Variants in DNAH14 observed in about 807,000 individuals in gnomAD.
The protein encoded by DNAH14 is dynein axonemal heavy chain 14, also known as axonemal beta dynein heavy chain 14.
DNAH14 carries 478 observed loss-of-function variants against 520.9 expected under a neutral mutation model. The ratio of observed to expected loss-of-function variants is 0.92; its 90% CI spans 0.85 to 0.99. The LOEUF (loss-of-function observed/expected upper bound fraction) is 0.99, where lower values mean the gene tolerates loss of function less well. DNAH14 is among the 50% of genes least tolerant of loss of function. DNAH14 has a pLI of 0.00. For missense variants in DNAH14, 4,831 were observed against 5,234.5 expected (o/e 0.92, Z 2.38); for synonymous variants, 1,581 against 1,757.2 (o/e 0.90, Z 2.51).
intron 16 of DNAH14, 50 bp from the exon 17 acceptor site, chr1:225,051,401 C>T: frequency 1.5e-6 from 2 of 1,300,534 alleles, no homozygotes; most frequent in South Asian, 1.8e-5. Flanking sequence ...AACCATTTTT[C>T]ACTCTTAAAA....
chr1:225,274,063 G>A (rs1399300368), intron 52 of DNAH14, among the ~76,000 whole-genome samples: 1 of 152,020 alleles, frequency 6.6e-6, no homozygotes, highest in Non-Finnish European at 1.5e-5. Context: ...TGGGATTGCT[G>A]GGTCAAATGG....
chr1:225,068,483 A>G (rs915794419), intron 17 of DNAH14, among the ~76,000 whole-genome samples: 7 of 152,166 alleles, frequency 4.6e-5, no homozygotes, highest in Admixed American at 3.3e-4. Flanking sequence ...AGTTCTGTGA[A>G]GAATGTCAAT....
intron 42 of DNAH14, among the ~76,000 whole-genome samples, chr1:225,236,573 T>C (rs189551750): frequency 3.9e-5 from 6 of 152,220 alleles, no homozygotes; most frequent in African/African-American, 1.2e-4. Flanking sequence ...ATCCTGAATA[T>C]CTTTGTTAAT....
At chr1:225,334,015 T>A (rs2094857179) in intron 66 of DNAH14, among the ~76,000 whole-genome samples, 1 of 152,202 alleles carries the variant, frequency 6.6e-6, no homozygotes, top group African/African-American at 2.4e-5. Context: ...TCACTTAAAT[T>A]GACCATGCAA....
At chr1:225,378,945 A>G (rs1032034454) in intron 79 of DNAH14, among the ~76,000 whole-genome samples, 11 of 152,078 alleles carry the variant, frequency 7.2e-5, no homozygotes, top group African/African-American at 2.7e-4. Context: ...GCAGAACTCA[A>G]AAGAGATGTG....
intron 53 of DNAH14, among the ~76,000 whole-genome samples, chr1:225,276,984 AG>A (rs1249180876): frequency 3.6e-3 from 91 of 25,102 alleles, no homozygotes; most frequent in East Asian, 0.021. Context: ...GAAGGAAGGA[AG>A]GGAGGGAGGA....
rs1218425555 is a variant in DNAH14, at chr1:225,153,755, T to C, written c.5202T>C (p.His1734=). The change falls in exon 34 of 86, where the codon CAT becomes CAC. Residue 1734 remains histidine, a synonymous_variant. Transcript: ENST00000682510. ...LARKQLSQQD[H]YNFGLRSLKI... The stretch of plus-strand genomic sequence containing the variant: ...AATATTTTAATGTTTGATAGGATCA[T>C]TATAATTTTGGCTTGAGATCTCTGA... The C allele has an allele frequency of 3.9e-6, 6 of 1,544,384 alleles. No individual in the cohort carries two copies. The highest frequency in any genetic ancestry group is 1.7e-4 in the Middle Eastern group (1 of 5,974).
In DNAH14 at chr1:225,380,277, A is replaced by G. The variant is rs114941345; in HGVS notation, c.12835A>G (p.Met4279Val). ...TGGAACTCCAAGCACATTGAAGAGC[A>G]TGATGTCAAGCTCCATTTGGGAGTC... The part of the protein sequence containing the change: ...AVGTPSTLKS[M>V]MSSSIWESLS... Residue 4279 changes from methionine (M) to valine (V), a missense_variant, in exon 80 of 86, where the codon ATG (methionine) becomes GTG (valine). By Grantham distance (21) the Met-to-Val change is conservative. Transcript: ENST00000682510. 785 of 1,551,686 alleles carry G rather than the reference A, an allele frequency of 5.1e-4. 3 individuals are homozygous for G. The African/African-American group carries it at 9.8e-3, about 19-fold the overall frequency.
intron 55 of DNAH14, among the ~76,000 whole-genome samples, chr1:225,291,406 C>T (rs2093885979): frequency 6.6e-6 from 1 of 151,798 alleles, no homozygotes; most frequent in Non-Finnish European, 1.5e-5. Flanking sequence ...ATCTTATGAT[C>T]ATTTTATTTG....
intron 57 of DNAH14, 132 bp downstream of exon 57, chr1:225,303,479 G>A (rs1203091320): frequency 5.4e-6 from 4 of 739,436 alleles, no homozygotes; most frequent in African/African-American, 5.3e-5. Flanking sequence ...AATGGATCAA[G>A]TGTTTACAAT....
intron 38 of DNAH14, among the ~76,000 whole-genome samples, chr1:225,200,235 G>A (rs1259973487): frequency 2.6e-5 from 4 of 152,056 alleles, no homozygotes; most frequent in Admixed American, 6.6e-5. Context: ...TATGTGTTAG[G>A]TGAGTCTCTT....
chr1:224,943,894 T>C lies in DNAH14; in HGVS notation c.-33-8776T>C, dbSNP rs181629327. 3.8e-3 allele frequency among the ~76,000 whole-genome samples: 586 copies of C among 152,330 alleles called. 2 individuals carry two copies. Among genetic ancestry groups the C allele is most frequent in the African/African-American group, 0.013 (528 of 41,584 alleles). ...ATAATTTCTGTTCTTTTACATTTGC[T>C]GAGGAGAGCTTTACTTCCAACTATG... On this transcript the variant is annotated intron_variant, in intron 1 of 85. Coordinates refer to ENST00000682510, the MANE Select transcript of DNAH14 (RefSeq NM_001367479.1).
Position 225,265,227 on chromosome 1 carries a change from T to G in DNAH14, c.7268T>G (p.Leu2423Arg). ...KPEVRTNKKL[L>R]KNNDHKGVVV... ...GAAGTTAGAACTAATAAAAAGTTAC[T>G]TAAAAATAATGATCATAAAGGAGTT... Residue 2423 changes from leucine to arginine, a missense_variant, in exon 48 of 86, where the codon CTT (leucine) becomes CGT (arginine). Coordinates refer to ENST00000682510, the MANE Select transcript of DNAH14 (RefSeq NM_001367479.1). 5.3e-6 allele frequency: 8 copies of G among 1,509,402 alleles called. No homozygotes were observed. The highest frequency in any genetic ancestry group is 3.5e-6 in the Non-Finnish European group (4 of 1,133,648). The allele number at this position is 1,509,402 out of a possible 1,614,324, so 93.5% of individuals were successfully genotyped here.
chr1:224,970,331 A>G (rs1040113957), intron 7 of DNAH14, among the ~76,000 whole-genome samples: 1 of 152,046 alleles, frequency 6.6e-6, no homozygotes, highest in African/African-American at 2.4e-5. Flanking sequence ...TTCTGATAAG[A>G]TGTTATCAGT....
chr1:224,940,981 C>T (rs1432619567), intron 1 of DNAH14, among the ~76,000 whole-genome samples: 5 of 152,102 alleles, frequency 3.3e-5, no homozygotes, highest in Non-Finnish European at 5.9e-5. Context: ...ATTAACGTAC[C>T]TGTGCATGTG....
intron 69 of DNAH14, among the ~76,000 whole-genome samples, chr1:225,342,570 G>T (rs143426171): frequency 1.8e-4 from 27 of 151,888 alleles, no homozygotes; most frequent in African/African-American, 6.5e-4. Context: ...TTATATTCAA[G>T]AAATGTTTAT....
chr1:225,105,041 CG>C (rs902408283), intron 23 of DNAH14, among the ~76,000 whole-genome samples: 13 of 152,138 alleles, frequency 8.5e-5, no homozygotes, highest in African/African-American at 3.1e-4. Context: ...AAATTTCCCT[CG>C]ACACACTGCT....
intron 4 of DNAH14, among the ~76,000 whole-genome samples, chr1:224,963,905 C>T (rs2060992217): frequency 6.6e-6 from 1 of 152,136 alleles, no homozygotes. Context: ...AATATAACTT[C>T]TTAGCATGGC....
Position 225,389,842 on chromosome 1 carries a change from A to T in DNAH14, c.13299A>T (p.Arg4433Ser). ...ENNFFEGFPS[R>S]YWLPAFFFPQ... Reference sequence around the variant, plus strand: ...ATTTCTTTGAAGGGTTTCCTTCAAGATACTGGCTCCCAGCTTTCTTCTTTC... The same window carrying T: ...ATTTCTTTGAAGGGTTTCCTTCAAGTTACTGGCTCCCAGCTTTCTTCTTTC... The change falls in exon 83 of 86, where the codon AGA (arginine) becomes AGT (serine). Residue 4433 changes from arginine (R) to serine (S), a missense_variant. Physicochemically the swap from Arg to Ser is moderately radical, Grantham distance 110. Transcript: ENST00000682510. The T allele has an allele frequency of 1.9e-6, 3 of 1,551,750 alleles. No individual in the cohort carries two copies. Among genetic ancestry groups the T allele is most frequent in the Non-Finnish European group, 8.7e-7 (1 of 1,146,962 alleles).
Sources: gnomAD v4.1 joint callset for allele counts (sites outside exome capture counted in the v4.1 genomes callset) on GRCh38, gnomAD v4.1.1 for gene constraint, MANE v1.5 for transcripts, NCBI Gene and HGNC (gene_info 2026-07-23, HGNC 2026-07-21) for gene names.